FOCAD: variants seen among roughly 807,000 people sequenced by gnomAD.
FOCAD encodes focadhesin.
In FOCAD, 198 loss-of-function variants were observed where a neutral mutation model predicts 225.6. The ratio of observed to expected loss-of-function variants is 0.88; its 90% CI spans 0.78 to 0.99. The LOEUF is 0.99. Among genes scored for constraint, FOCAD ranks in the 50% least tolerant of loss-of-function variants. FOCAD has a pLI of 0.00. For synonymous variants in FOCAD, 897 were observed against 755.0 expected (o/e 1.19, Z -3.08); for missense variants, 2,713 against 2,123.6 (o/e 1.28, Z -5.46).
chr9:20,744,446 G>T (rs1350072942), intron 5 of FOCAD, among the ~76,000 whole-genome samples: 1 of 152,196 alleles, frequency 6.6e-6, no homozygotes, highest in Admixed American at 6.5e-5. Context: ...ATTAGGCATA[G>T]ATATTTAAAT....
At chr9:20,780,494 G>A (rs574184846) in intron 9 of FOCAD, among the ~76,000 whole-genome samples, 1 of 152,142 alleles carries the variant, frequency 6.6e-6, no homozygotes, top group Non-Finnish European at 1.5e-5. Context: ...ACCTTAGAGT[G>A]AATAAACTGT....
chr9:20,927,258 A>C (rs934939433), intron 26 of FOCAD, among the ~76,000 whole-genome samples: 1 of 151,886 alleles, frequency 6.6e-6, no homozygotes, highest in East Asian at 1.9e-4. Flanking sequence ...AATTCACTCA[A>C]CCTCTTTGAG....
At position 20,906,568 on chromosome 9, in the gene FOCAD, T is replaced by C. The variant is rs548112748; in HGVS notation, c.2626-582T>C. Among the ~76,000 whole-genome samples the C allele has an allele frequency of 3.9e-5, 6 of 152,166 alleles. No individual in the cohort carries two copies. In the South Asian group the frequency reaches 1.0e-3, roughly 26 times the overall value. ...CCTCTGTTGAGAAACAGGGTTTGCA[T>C]GTTGGTATATATAATTTGTCTCTTG... On this transcript the variant is annotated intron_variant, in intron 21 of 43. Transcript: ENST00000338382.
At chr9:20,821,639 A>G (rs970057263) in intron 14 of FOCAD, among the ~76,000 whole-genome samples, 1 of 152,248 alleles carries the variant, frequency 6.6e-6, no homozygotes, top group South Asian at 2.1e-4. Flanking sequence ...AGACTGAAAT[A>G]ATACAAGTCA....
rs1330591746 is a variant in FOCAD, at chr9:20,929,419, T to C, written c.3140T>C (p.Leu1047Ser). 5.0e-6 allele frequency: 8 copies of C among 1,614,150 alleles called. No individual in the cohort carries two copies. Among genetic ancestry groups the C allele is most frequent in the African/African-American group, 1.3e-5 (1 of 75,054 alleles). Residue 1047 changes from leucine (L) to serine (S), a missense_variant, in exon 27 of 44, where the codon TTG becomes TCG. Transcript: ENST00000338382. ...GCCCGTTCTGCTGCCGCCACGGCTT[T>C]GTCTCTCCTTGTGCCAGTTTTCATT... ...AIARSAAATA[L>S]SLLVPVFIIS...
chr9:20,919,454 GA>G (rs1178862135), intron 24 of FOCAD, among the ~76,000 whole-genome samples: 1 of 152,038 alleles, frequency 6.6e-6, no homozygotes, highest in Admixed American at 6.6e-5. Flanking sequence ...CACAGGATTG[GA>G]AAAAACTACT....
intron 10 of FOCAD, among the ~76,000 whole-genome samples, chr9:20,788,120 A>ATT (rs1820123166): frequency 2.0e-5 from 3 of 152,344 alleles, no homozygotes; most frequent in Admixed American, 2.0e-4. Flanking sequence ...CATACAATGG[A>ATT]ATATTATTTG....
At chr9:20,863,294 C>T (rs1264336888) in intron 16 of FOCAD, 2 of 151,012 alleles carry the variant, frequency 1.3e-5, no homozygotes, top group Non-Finnish European at 2.9e-5. Flanking sequence ...CCTTTTCCTT[C>T]AAAGAGCAGC....
chr9:20,803,927 G>C (rs1328772870), intron 11 of FOCAD, among the ~76,000 whole-genome samples: 1 of 152,136 alleles, frequency 6.6e-6, no homozygotes, highest in Non-Finnish European at 1.5e-5. Context: ...AATTCTGTCA[G>C]TTAACTTTGT....
chr9:20,840,732 C>T (rs542239436), intron 15 of FOCAD, among the ~76,000 whole-genome samples: 9 of 151,674 alleles, frequency 5.9e-5, no homozygotes, highest in Admixed American at 2.0e-4. Flanking sequence ...TGTCTAATTG[C>T]TCTAGCTAGG....
In FOCAD at chr9:20,944,648, T is replaced by A; in HGVS notation, c.3429T>A (p.Val1143=). Residue 1143 remains valine (V), a synonymous_variant, in exon 29 of 44, where the codon GTT becomes GTA. Coordinates refer to ENST00000338382, the MANE Select transcript of FOCAD (RefSeq NM_001375567.1). ...LEYNTGCILG[V]GLVLSLMSHS... ...CAAGCACGGGCTGTATATTGGGAGT[T>A]GGACTTGTTCTGTCCCTCATGAGCC... 6.2e-7 allele frequency: 1 copy of A among 1,613,766 alleles called. No homozygotes were observed. The highest frequency in any genetic ancestry group is 1.1e-5 in the South Asian group (1 of 91,006).
chr9:20,703,220 G>A (rs750336439), intron 1 of FOCAD, among the ~76,000 whole-genome samples: 1 of 152,152 alleles, frequency 6.6e-6, no homozygotes, highest in Non-Finnish European at 1.5e-5. Context: ...GAGGGAACAT[G>A]TGAAGGGAGA....
chr9:20,673,206 A>G (rs541280657), intron 2 of FOCAD, among the ~76,000 whole-genome samples: 2 of 152,118 alleles, frequency 1.3e-5, no homozygotes, highest in African/African-American at 4.8e-5. Context: ...TTTTTTGACT[A>G]TTACAAATAA....
chr9:20,764,512 A>T (rs190459297), intron 6 of FOCAD, among the ~76,000 whole-genome samples: 1 of 152,344 alleles, frequency 6.6e-6, no homozygotes, highest in East Asian at 1.9e-4. Flanking sequence ...TCGGCCTCCC[A>T]AAGTGCTGGG....
chr9:20,976,148 A>G (rs1587763845), intron 35 of FOCAD, among the ~76,000 whole-genome samples: 1 of 152,204 alleles, frequency 6.6e-6, no homozygotes, highest in Admixed American at 6.5e-5. Flanking sequence ...GCACATATGT[A>G]TGGAAATATC....
chr9:20,699,469 C>T (rs1006301112), intron 1 of FOCAD, among the ~76,000 whole-genome samples: 4 of 151,562 alleles, frequency 2.6e-5, no homozygotes, highest in Admixed American at 6.6e-5. Context: ...CACCTGGGCG[C>T]AGTAGCTCAT....
intron 6 of FOCAD, among the ~76,000 whole-genome samples, chr9:20,763,198 ATGAT>A (rs762312848): frequency 7.9e-5 from 12 of 152,218 alleles, no homozygotes; most frequent in Non-Finnish European, 1.8e-4. Flanking sequence ...AATTAATTAA[ATGAT>A]TGAGCATCTC....
intron 5 of FOCAD, among the ~76,000 whole-genome samples, chr9:20,741,732 A>G (rs183846689): frequency 2.0e-5 from 1 of 49,786 alleles, no homozygotes; most frequent in East Asian, 5.9e-4. Context: ...GTAAGGGTTT[A>G]TTCTTTATCC....
At chr9:20,811,411 C>T (rs1473812159) in intron 11 of FOCAD, among the ~76,000 whole-genome samples, 1 of 152,032 alleles carries the variant, frequency 6.6e-6, no homozygotes, top group East Asian at 1.9e-4. Flanking sequence ...TTCAAGGAAT[C>T]ACTACAGATC....
Sources: gnomAD v4.1 joint callset for allele counts (sites outside exome capture counted in the v4.1 genomes callset) on GRCh38, gnomAD v4.1.1 for gene constraint, MANE v1.5 for transcripts, NCBI Gene and HGNC (gene_info 2026-07-23, HGNC 2026-07-21) for gene names.